The following FER1L6 variants were observed in gnomAD, a reference collection of about 807,000 sequenced individuals.
FER1L6 encodes fer-1-like protein 6.
In FER1L6, 177 loss-of-function variants were observed where a neutral mutation model predicts 219.2. The observed-to-expected ratio is 0.81, with a 90% CI of 0.71 to 0.91. The LOEUF (loss-of-function observed/expected upper bound fraction) is 0.91. FER1L6 is among the 40% of genes least tolerant of loss of function. The pLI is 0.00. For synonymous variants in FER1L6, 768 were observed against 824.3 expected, an observed-to-expected ratio of 0.93 and a Z score of 1.17; for missense variants, 2,153 against 2,259.9, an observed-to-expected ratio of 0.95 and a Z score of 0.96.
chr8:123,877,423 C>T (rs1817022056), intron 1 of FER1L6, among the ~76,000 whole-genome samples: 1 of 152,102 alleles, frequency 6.6e-6, no homozygotes, highest in South Asian at 2.1e-4. Flanking sequence ...ACTCACATGC[C>T]TGGGTTCTCT....
At chr8:124,105,975 G>A (rs1289291873) in intron 39 of FER1L6, among the ~76,000 whole-genome samples, 1 of 152,146 alleles carries the variant, frequency 6.6e-6, no homozygotes, top group Non-Finnish European at 1.5e-5. Flanking sequence ...AAATAGATGA[G>A]TAGTTGCCAG....
rs759080539 is a variant in FER1L6, at chr8:123,970,020, C to G, written c.385-15C>G. 3.0e-5 allele frequency: 48 copies of G among 1,613,006 alleles called. No homozygotes were observed. The Admixed American group carries it at 8.0e-4, about 27-fold the overall frequency. The stretch of plus-strand genomic sequence containing the variant: ...GTCTGGGGTTGATGACCAGAATGAA[C>G]TTTTTGTTTTGCAGTACTTTGTCTT... On this transcript the variant is annotated splice_polypyrimidine_tract_variant and intron_variant, in intron 5 of 40. Transcript: ENST00000522917.
intron 1 of FER1L6, among the ~76,000 whole-genome samples, chr8:123,932,178 G>A (rs908910340): frequency 5.3e-5 from 8 of 152,016 alleles, no homozygotes; most frequent in Non-Finnish European, 1.0e-4. Flanking sequence ...GCGTGATGTC[G>A]ACTCACTACA....
intron 30 of FER1L6, 127 bp from the exon 31 acceptor site, chr8:124,071,379 A>G: frequency 8.1e-7 from 1 of 1,241,230 alleles, no homozygotes; most frequent in Non-Finnish European, 1.1e-6. Context: ...CCAACTGGCA[A>G]GTTTAGCACC....
chr8:124,035,577 C>A (rs533041065), intron 19 of FER1L6, 123 bp downstream of exon 19: 8 of 935,056 alleles, frequency 8.6e-6, no homozygotes, highest in African/African-American at 1.7e-5. Context: ...TATTGGTCTT[C>A]TTAAGTAAAG....
At chr8:124,022,526 T>G (rs1292912077) in intron 17 of FER1L6, among the ~76,000 whole-genome samples, 1 of 152,238 alleles carries the variant, frequency 6.6e-6, no homozygotes, top group African/African-American at 2.4e-5. Context: ...AATTCGACTT[T>G]AAATTCTAAT....
chr8:123,901,108 T>A (rs1437156046), intron 1 of FER1L6, among the ~76,000 whole-genome samples: 1 of 152,242 alleles, frequency 6.6e-6, no homozygotes, highest in Non-Finnish European at 1.5e-5. Flanking sequence ...TCTGGTATAA[T>A]TCTGCTGTGA....
intron 1 of FER1L6, among the ~76,000 whole-genome samples, chr8:123,876,913 T>C (rs1387226118): frequency 6.6e-6 from 1 of 152,236 alleles, no homozygotes; most frequent in East Asian, 1.9e-4. Flanking sequence ...ACAGAGTACA[T>C]GTTACTTCCT....
chr8:123,916,516 A>G (rs970959075), intron 1 of FER1L6, among the ~76,000 whole-genome samples: 1 of 152,154 alleles, frequency 6.6e-6, no homozygotes, highest in African/African-American at 2.4e-5. Flanking sequence ...GGATAATGAC[A>G]ATCAGTTCCA....
chr8:123,853,629 T>C lies in FER1L6; in HGVS notation c.-8+1444T>C, dbSNP rs1446400581. Among the ~76,000 whole-genome samples, 1 of 151,460 alleles carries C rather than the reference T, an allele frequency of 6.6e-6. No individual in the cohort carries two copies. The highest frequency in any genetic ancestry group is 2.4e-5 in the African/African-American group (1 of 41,382). ...GGATGAGTAGAGAAAAAGGGGTAGGTACGCCTCACCACGGGCAAGCGTGGA... is the reference window on the plus strand; with the variant it reads ...GGATGAGTAGAGAAAAAGGGGTAGGCACGCCTCACCACGGGCAAGCGTGGA... On this transcript the variant is annotated intron_variant, in intron 1 of 40. Coordinates refer to ENST00000522917, the MANE Select transcript of FER1L6 (RefSeq NM_001039112.2). This position sits in a 1 kb window ranked among gnomAD's most constrained non-coding sequence, Gnocchi z 6.6.
intron 18 of FER1L6, among the ~76,000 whole-genome samples, chr8:124,027,188 G>A (rs143146561): frequency 4.6e-5 from 7 of 152,086 alleles, no homozygotes; most frequent in Admixed American, 1.3e-4. Context: ...TCCAAATAAG[G>A]TCATATTTTG....
chr8:124,032,254 A>G (rs1425364079), intron 18 of FER1L6, among the ~76,000 whole-genome samples: 4 of 151,664 alleles, frequency 2.6e-5, no homozygotes, highest in Non-Finnish European at 5.9e-5. Flanking sequence ...GTGAAACCCT[A>G]TCTCTACTAA....
rs377220825 is a variant in FER1L6 at position 123,957,715 on chromosome 8, C to A, written c.76+1641C>A. Among the ~76,000 whole-genome samples the A allele has an allele frequency of 5.1e-4, 78 of 152,292 alleles. No homozygotes were observed. The East Asian group carries it at 0.01, about 20-fold the overall frequency. On this transcript the variant is annotated intron_variant, in intron 2 of 40. Coordinates refer to ENST00000522917, the MANE Select transcript of FER1L6 (RefSeq NM_001039112.2). ...GGCAGCCTCCAGTTAACAGCCCTCC[C>A]TGAGAAGCTGGCGGATACCTAGGGC...
At chr8:123,939,509 T>G (rs1814144210) in intron 1 of FER1L6, among the ~76,000 whole-genome samples, 1 of 152,140 alleles carries the variant, frequency 6.6e-6, no homozygotes, top group Non-Finnish European at 1.5e-5. Context: ...AAGAAGGGTC[T>G]TTAGGCTTTG....
At chr8:124,058,570 A>G (rs116741633) in intron 22 of FER1L6, among the ~76,000 whole-genome samples, 4,276 of 152,282 alleles carry the variant, frequency 0.028, 187 homozygotes, top group African/African-American at 0.097. Context: ...TTGAGCTCTT[A>G]ACAGCATTTT....
chr8:124,011,116 C>T (rs937592260), intron 14 of FER1L6, among the ~76,000 whole-genome samples: 1 of 152,118 alleles, frequency 6.6e-6, no homozygotes, highest in Non-Finnish European at 1.5e-5. Context: ...AACCTATAGC[C>T]CCATCTTTCC....
rs539252549 is a variant in FER1L6 at position 123,855,497 on chromosome 8, G to T, written c.-8+3312G>T. On this transcript the variant is annotated intron_variant, in intron 1 of 40. Coordinates refer to ENST00000522917, the MANE Select transcript of FER1L6 (RefSeq NM_001039112.2). The stretch of plus-strand genomic sequence containing the variant: ...TAGAGCCCACTGAGTTCTCATCCAG[G>T]GCATTAGTATGGAATGGGAAAAAGG... Among the ~76,000 whole-genome samples, 546 of 151,912 alleles carry T rather than the reference G, an allele frequency of 3.6e-3. 3 individuals carry two copies. The highest frequency in any genetic ancestry group is 0.012 in the African/African-American group (515 of 41,294).
At chr8:123,968,022 T>C (rs1815636902) in intron 5 of FER1L6, among the ~76,000 whole-genome samples, 2 of 152,018 alleles carry the variant, frequency 1.3e-5, no homozygotes, top group African/African-American at 4.8e-5. Flanking sequence ...AGGGAGAGCA[T>C]GGATAATGAA....
intron 6 of FER1L6, among the ~76,000 whole-genome samples, chr8:123,970,924 G>A (rs936818426): frequency 6.6e-5 from 10 of 152,196 alleles, no homozygotes; most frequent in African/African-American, 1.9e-4. Flanking sequence ...CCTTACCAGC[G>A]TGACAGATCA....
Sources: allele counts gnomAD v4.1 joint callset (sites outside exome capture counted in the v4.1 genomes callset), GRCh38; gene constraint gnomAD v4.1.1; non-coding constraint Gnocchi (gnomAD v3.1); transcripts MANE v1.5; gene names NCBI Gene and HGNC (gene_info 2026-07-23, HGNC 2026-07-21).